The following LOXHD1 variants were observed in gnomAD, a reference collection of about 807,000 sequenced individuals.
The protein encoded by LOXHD1 is lipoxygenase homology PLAT domains 1, also known as lipoxygenase homology domain-containing protein 1.
Under a neutral mutation model 248.2 loss-of-function variants are expected in LOXHD1, and 205 were observed. The ratio of observed to expected loss-of-function variants is 0.83; its 90% CI spans 0.74 to 0.93. The LOEUF is 0.93. Among genes scored for constraint, LOXHD1 ranks in the 40% least tolerant of loss-of-function variants. The probability of loss-of-function intolerance (pLI) is 0.00; values close to 1 mark genes in which losing one functional copy is unlikely to be tolerated. For synonymous variants in LOXHD1, 1,113 were observed against 1,162.8 expected, an observed-to-expected ratio of 0.96 and a Z score of 0.87; for missense variants, 2,930 against 2,971.6, an observed-to-expected ratio of 0.99 and a Z score of 0.33.
intron 12 of LOXHD1, among the ~76,000 whole-genome samples, chr18:46,586,925 A>G (rs955726343): frequency 6.6e-6 from 1 of 152,370 alleles, no homozygotes; most frequent in African/African-American, 2.4e-5. Flanking sequence ...TAATTTGACC[A>G]TGAAACATAT....
intron 19 of LOXHD1, 26 bp downstream of exon 19, chr18:46,560,057 A>AGCC: frequency 3.8e-6 from 1 of 261,646 alleles, no homozygotes; most frequent in South Asian, 4.5e-5. Context: ...CTCCCTCCCC[A>AGCC]CCCCCACCCC....
intron 37 of LOXHD1, among the ~76,000 whole-genome samples, chr18:46,503,447 G>A (rs1406787575): frequency 3.3e-5 from 5 of 152,174 alleles, no homozygotes; most frequent in Non-Finnish European, 7.3e-5. Context: ...TTGACTACGT[G>A]ATCACTGTTG....
rs59144689 is a variant in LOXHD1 at position 46,643,828 on chromosome 18, T to C, written c.246-1792A>G. 6.1e-3 allele frequency among the ~76,000 whole-genome samples: 922 copies of C among 152,192 alleles called. 12 individuals carry two copies. Among genetic ancestry groups the C allele is most frequent in the African/African-American group, 0.021 (882 of 41,512 alleles). ...TATATAATGAAATACTTTGCAACCA[T>C]TAAAAATCCTATTGTAAAAAAAAAT... On this transcript the variant is annotated intron_variant, in intron 2 of 40. Transcript: ENST00000642948.
Position 46,606,341 on chromosome 18 carries a change from T to TACAC in LOXHD1, c.760-2116_760-2113dup, listed in dbSNP as rs139309417. The stretch of plus-strand genomic sequence containing the variant: ...AGTATAATAGTATACTGTATATATA[T>TACAC]ACACACACACACACACACACAGGTT... On this transcript the variant is annotated intron_variant, in intron 6 of 40. Transcript: ENST00000642948. Among the ~76,000 whole-genome samples the TACAC allele has an allele frequency of 2.6e-3, 384 of 150,546 alleles. 1 individual carries two copies. Among genetic ancestry groups the TACAC allele is most frequent in the East Asian group, 0.013 (65 of 5,112 alleles).
At chr18:46,650,581 A>G (rs2039097074) in intron 1 of LOXHD1, among the ~76,000 whole-genome samples, 1 of 152,172 alleles carries the variant, frequency 6.6e-6, no homozygotes, top group Non-Finnish European at 1.5e-5. Flanking sequence ...TGCTGAGTAT[A>G]TTTGAGTGGC....
rs532436777 is a variant in LOXHD1, at chr18:46,627,781, C to T, written c.512-9491G>A. Among the ~76,000 whole-genome samples, 30 of 152,302 alleles carry T rather than the reference C, an allele frequency of 2.0e-4. 1 individual carries two copies. In the South Asian group the frequency reaches 6.0e-3, roughly 30 times the overall value. The stretch of plus-strand genomic sequence containing the variant: ...TTCAAATCCTAGAAAACTCCTCACC[C>T]ATGAAGACTCAGTTTGAGCATCACC... On this transcript the variant is annotated intron_variant, in intron 4 of 40. Coordinates refer to ENST00000642948, the MANE Select transcript of LOXHD1 (RefSeq NM_001384474.1).
At chr18:46,593,469 TA>T in intron 10 of LOXHD1, 130 bp downstream of exon 10, 3 of 1,014,254 alleles carry the variant, frequency 3.0e-6, no homozygotes, top group Admixed American at 2.6e-5. Context: ...TGCAGGGACC[TA>T]AAATCTCCAT....
intron 8 of LOXHD1, among the ~76,000 whole-genome samples, chr18:46,598,697 C>A (rs1415611458): frequency 3.9e-5 from 6 of 151,992 alleles, no homozygotes; most frequent in Admixed American, 6.5e-5. Context: ...AAAGAGGTAC[C>A]ACTTATAATA....
rs746131161 is a variant in LOXHD1 at position 46,522,145 on chromosome 18, ACTC to A, written c.5038_5040del (p.Glu1680del). 5.2e-6 allele frequency: 8 copies of A among 1,550,472 alleles called. No homozygotes were observed. Among genetic ancestry groups the A allele is most frequent in the Non-Finnish European group, 7.0e-6 (8 of 1,146,688 alleles). ...CCCACATCCAAGCCTGCGACGTAGA[ACTC>A]CTCCACAGAGCCACGGCTGAAGCCC... On this transcript the variant is annotated inframe_deletion, in exon 32 of 41. Coordinates refer to ENST00000642948, the MANE Select transcript of LOXHD1 (RefSeq NM_001384474.1).
chr18:46,625,273 G>A (rs533178353), intron 4 of LOXHD1, among the ~76,000 whole-genome samples: 22 of 152,270 alleles, frequency 1.4e-4, no homozygotes, highest in African/African-American at 5.1e-4. Flanking sequence ...AGCAACTAAC[G>A]TGCTCAAACA....
intron 12 of LOXHD1, among the ~76,000 whole-genome samples, chr18:46,580,667 C>A (rs750099937): frequency 3.3e-5 from 5 of 152,158 alleles, no homozygotes; most frequent in African/African-American, 1.2e-4. Context: ...AAAGTAAAAT[C>A]ATAAATTATG....
At chr18:46,484,321 C>T (rs1417916790) in intron 39 of LOXHD1, among the ~76,000 whole-genome samples, 1 of 152,112 alleles carries the variant, frequency 6.6e-6, no homozygotes, top group African/African-American at 2.4e-5. Flanking sequence ...GAAACCTATT[C>T]TCCAGTGTGA....
chr18:46,631,316 C>A (rs557734853), intron 4 of LOXHD1, among the ~76,000 whole-genome samples: 29 of 152,282 alleles, frequency 1.9e-4, no homozygotes, highest in African/African-American at 6.5e-4. Context: ...ACAACCCCCC[C>A]ACCACCATCA....
intron 4 of LOXHD1, among the ~76,000 whole-genome samples, chr18:46,635,910 C>CCCTG (rs2038887093): frequency 6.6e-6 from 1 of 152,150 alleles, no homozygotes; most frequent in South Asian, 2.1e-4. Context: ...GGAGCACAAA[C>CCCTG]AACCTGCCTC....
At chr18:46,489,314 G>A (rs1366388591) in intron 37 of LOXHD1, among the ~76,000 whole-genome samples, 172 bp from the exon 38 acceptor site, 2 of 152,092 alleles carry the variant, frequency 1.3e-5, no homozygotes, top group Non-Finnish European at 2.9e-5. Context: ...GGTCTCAGAG[G>A]GTTCCTCCAG....
At chr18:46,495,724 G>C (rs1322977856) in intron 37 of LOXHD1, among the ~76,000 whole-genome samples, 1 of 152,178 alleles carries the variant, frequency 6.6e-6, no homozygotes, top group Middle Eastern at 3.4e-3. Flanking sequence ...ATATTACATA[G>C]TATTGGGAAA....
intron 10 of LOXHD1, 77 bp from the exon 11 acceptor site, chr18:46,592,661 G>C (rs2038193484): frequency 8.2e-7 from 1 of 1,225,106 alleles, no homozygotes; most frequent in South Asian, 1.3e-5. Context: ...CCCACTCTCA[G>C]GAGGGTACCT....
At chr18:46,635,369 T>G (rs1031359502) in intron 4 of LOXHD1, among the ~76,000 whole-genome samples, 2 of 152,158 alleles carry the variant, frequency 1.3e-5, no homozygotes, top group Non-Finnish European at 2.9e-5. Flanking sequence ...GGCTCTGACC[T>G]CTTAGGTGCC....
At chr18:46,647,155 T>G (rs554094209) in intron 2 of LOXHD1, among the ~76,000 whole-genome samples, 1 of 152,284 alleles carries the variant, frequency 6.6e-6, no homozygotes, top group African/African-American at 2.4e-5. Flanking sequence ...ATTCCCATCC[T>G]CAGGGCTGCC....
Sources: allele counts gnomAD v4.1 joint callset (sites outside exome capture counted in the v4.1 genomes callset), GRCh38; gene constraint gnomAD v4.1.1; transcripts MANE v1.5; gene names NCBI Gene and HGNC (gene_info 2026-07-23, HGNC 2026-07-21).